LHFPL6: variants seen among roughly 807,000 people sequenced by gnomAD.
LHFPL6 encodes the protein LHFPL tetraspan subfamily member 6 protein.
LHFPL6 carries 9 observed loss-of-function variants against 20.6 expected under a neutral mutation model. That is an observed-to-expected ratio of 0.44 (90% CI 0.26 to 0.76). The LOEUF is 0.76. Ranked by LOEUF, LHFPL6 falls within the 30% of genes least tolerant of loss-of-function variation. The pLI is 0.20. For missense variants in LHFPL6, 218 were observed against 253.5 expected (o/e 0.86, Z 0.95); for synonymous variants, 105 against 98.7 (o/e 1.06, Z -0.38).
chr13:39,470,779 C>T (rs9741239), intron 2 of LHFPL6, among the ~76,000 whole-genome samples: 9,443 of 152,250 alleles, frequency 0.062, 995 homozygotes, highest in African/African-American at 0.21. Context: ...AAAAACCCCA[C>T]TGATTTCAAA....
At chr13:39,552,401 T>G (rs576502690) in intron 2 of LHFPL6, among the ~76,000 whole-genome samples, 14 of 152,182 alleles carry the variant, frequency 9.2e-5, no homozygotes, top group Admixed American at 7.8e-4. Context: ...TAAACCATTG[T>G]TGGACAGTGA....
chr13:39,467,557 T>G (rs1872836218), intron 2 of LHFPL6, among the ~76,000 whole-genome samples: 1 of 152,176 alleles, frequency 6.6e-6, no homozygotes, highest in Admixed American at 6.5e-5. Context: ...ATAAAGCTGT[T>G]CTCTGAAGTT....
intron 2 of LHFPL6, among the ~76,000 whole-genome samples, chr13:39,434,529 G>T (rs1871903861): frequency 6.6e-6 from 1 of 152,026 alleles, no homozygotes; most frequent in African/African-American, 2.4e-5. Context: ...TCATTTTGGT[G>T]CCAAGTTAAA....
At position 39,494,307 on chromosome 13, in the gene LHFPL6, C is replaced by T. The variant is rs111472897; in HGVS notation, c.385+106525G>A. On this transcript the variant is annotated intron_variant, in intron 2 of 3. Transcript: ENST00000379589. ...AAGGAAGGCACTGTGCTAAGCAGTT[C>T]GTGGCATTTTTTACCATTCATTTCC... Among the ~76,000 whole-genome samples the T allele has an allele frequency of 6.3e-3, 959 of 152,306 alleles. 3 individuals carry two copies. Among genetic ancestry groups the T allele is most frequent in the Non-Finnish European group, 0.011 (750 of 68,024 alleles).
At chr13:39,365,668 G>A (rs1203642502) in intron 3 of LHFPL6, among the ~76,000 whole-genome samples, 7 of 152,160 alleles carry the variant, frequency 4.6e-5, no homozygotes. Flanking sequence ...TCAAAAAGCA[G>A]GCACAAAACA....
chr13:39,379,560 T>C (rs1020131501), intron 2 of LHFPL6, among the ~76,000 whole-genome samples: 4 of 152,184 alleles, frequency 2.6e-5, no homozygotes, highest in African/African-American at 9.7e-5. Flanking sequence ...AGATCTTCAA[T>C]ATTTCTGCAC....
At chr13:39,477,445 C>CT (rs1403584138) in intron 2 of LHFPL6, among the ~76,000 whole-genome samples, 1 of 152,116 alleles carries the variant, frequency 6.6e-6, no homozygotes, top group African/African-American at 2.4e-5. Flanking sequence ...GCACTGAAAT[C>CT]TTTTTTCAGT....
At chr13:39,424,868 C>T (rs1430853329) in intron 2 of LHFPL6, among the ~76,000 whole-genome samples, 2 of 152,106 alleles carry the variant, frequency 1.3e-5, no homozygotes, top group African/African-American at 4.8e-5. Context: ...ACTAAAGTTA[C>T]AGTTTTATTT....
chr13:39,379,985 T>TTC (rs1343005080), intron 2 of LHFPL6, among the ~76,000 whole-genome samples: 1 of 152,188 alleles, frequency 6.6e-6, no homozygotes, highest in African/African-American at 2.4e-5. Flanking sequence ...TAGAAAGAAG[T>TTC]TATACAAGCT....
At chr13:39,585,770 C>A (rs1323334840) in intron 2 of LHFPL6, among the ~76,000 whole-genome samples, 17 of 152,178 alleles carry the variant, frequency 1.1e-4, no homozygotes, top group Admixed American at 1.1e-3. Flanking sequence ...GTTCTGAGGG[C>A]TGCCTGATTA....
chr13:39,524,749 A>G (rs1212089112), intron 2 of LHFPL6, among the ~76,000 whole-genome samples: 2 of 152,198 alleles, frequency 1.3e-5, no homozygotes, highest in African/African-American at 2.4e-5. Flanking sequence ...GCCTCCTGCT[A>G]TTACAGAATT....
intron 2 of LHFPL6, among the ~76,000 whole-genome samples, chr13:39,524,248 G>T (rs890866444): frequency 1.3e-5 from 2 of 151,806 alleles, no homozygotes; most frequent in East Asian, 1.9e-4. Context: ...CTATAGACTG[G>T]ATTACACTCA....
chr13:39,519,649 A>ACACACAAAATTG (rs1870043948), intron 2 of LHFPL6, among the ~76,000 whole-genome samples: 2 of 152,194 alleles, frequency 1.3e-5, no homozygotes, highest in South Asian at 4.1e-4. Flanking sequence ...GAAGCTAAAT[A>ACACACAAAATTG]TGACACACAA....
At chr13:39,422,421 C>T (rs1046690354) in intron 2 of LHFPL6, among the ~76,000 whole-genome samples, 17 of 152,048 alleles carry the variant, frequency 1.1e-4, no homozygotes, top group African/African-American at 4.1e-4. Flanking sequence ...CTCATCTCTA[C>T]TAAAAATACA....
chr13:39,471,540 G>A (rs566106709), intron 2 of LHFPL6, among the ~76,000 whole-genome samples: 1 of 152,274 alleles, frequency 6.6e-6, no homozygotes, highest in South Asian at 2.1e-4. Context: ...TTGCCGTTAG[G>A]TCCCAATCCC....
At chr13:39,386,896 T>C (rs1870578790) in intron 2 of LHFPL6, among the ~76,000 whole-genome samples, 1 of 152,222 alleles carries the variant, frequency 6.6e-6, no homozygotes, top group African/African-American at 2.4e-5. Flanking sequence ...TCTCTTTGAC[T>C]GAGACACTCA....
intron 2 of LHFPL6, among the ~76,000 whole-genome samples, chr13:39,512,122 C>G (rs184416530): frequency 2.0e-4 from 31 of 152,264 alleles, no homozygotes; most frequent in Non-Finnish European, 2.8e-4. Context: ...AAGATAATGT[C>G]AAGTCTTAAA....
chr13:39,391,184 A>C (rs1870700698), intron 2 of LHFPL6, among the ~76,000 whole-genome samples: 1 of 152,160 alleles, frequency 6.6e-6, no homozygotes, highest in Non-Finnish European at 1.5e-5. Context: ...AAGAAAATTA[A>C]AGCATGAAAC....
At chr13:39,551,314 G>A (rs1871139897) in intron 2 of LHFPL6, among the ~76,000 whole-genome samples, 1 of 151,968 alleles carries the variant, frequency 6.6e-6, no homozygotes, top group African/African-American at 2.4e-5. Flanking sequence ...AAAGCACCAG[G>A]GACCAGATTC....
Sources: gnomAD v4.1 joint callset for allele counts (sites outside exome capture counted in the v4.1 genomes callset) on GRCh38, gnomAD v4.1.1 for gene constraint, MANE v1.5 for transcripts, NCBI Gene and HGNC (gene_info 2026-07-23, HGNC 2026-07-21) for gene names.